The following DSCAM variants were observed in gnomAD, a reference collection of about 807,000 sequenced individuals.
DSCAM encodes the protein DS cell adhesion molecule.
A neutral mutation model predicts 217.7 loss-of-function variants in DSCAM; 47 were observed. The observed-to-expected ratio is 0.22, with a 90% CI of 0.17 to 0.28. DSCAM has a LOEUF of 0.28. Among genes scored for constraint, DSCAM ranks in the 10% least tolerant of loss-of-function variants. The pLI is 1.00. For missense variants in DSCAM, 2,080 were observed against 2,618.3 expected (o/e 0.79, Z 4.49); for synonymous variants, 1,056 against 1,015.3 (o/e 1.04, Z -0.76).
intron 3 of DSCAM, among the ~76,000 whole-genome samples, chr21:40,679,382 G>A (rs1015226876): frequency 1.3e-5 from 2 of 152,202 alleles, no homozygotes; most frequent in Non-Finnish European, 2.9e-5. Context: ...GAAAGTTTAA[G>A]AAAAGGCAAA....
chr21:40,797,472 T>C (rs992442450), intron 1 of DSCAM, among the ~76,000 whole-genome samples: 1 of 152,196 alleles, frequency 6.6e-6, no homozygotes, highest in African/African-American at 2.4e-5. Flanking sequence ...TGAGACACAT[T>C]CTCCCCAGTG....
chr21:40,179,748 C>T (rs912750523), intron 14 of DSCAM, among the ~76,000 whole-genome samples: 3 of 152,226 alleles, frequency 2.0e-5, no homozygotes, highest in African/African-American at 4.8e-5. Flanking sequence ...CTAATTATAA[C>T]AGCAGCACCT....
At chr21:40,653,882 G>A (rs1399171222) in intron 3 of DSCAM, among the ~76,000 whole-genome samples, 1 of 152,062 alleles carries the variant, frequency 6.6e-6, no homozygotes, top group African/African-American at 2.4e-5. Flanking sequence ...AGATCATGAG[G>A]TCAGGAGTTC....
At chr21:40,101,161 G>A (rs879239116) in intron 20 of DSCAM, among the ~76,000 whole-genome samples, 1 of 152,142 alleles carries the variant, frequency 6.6e-6, no homozygotes, top group Admixed American at 6.5e-5. Flanking sequence ...GGACATTTGT[G>A]GACTGGGGTT....
intron 1 of DSCAM, among the ~76,000 whole-genome samples, chr21:40,761,908 C>T (rs2091339081): frequency 6.6e-6 from 1 of 152,170 alleles, no homozygotes; most frequent in Non-Finnish European, 1.5e-5. Flanking sequence ...TTCTTTGAAA[C>T]CCATGAGAAC....
intron 3 of DSCAM, among the ~76,000 whole-genome samples, chr21:40,676,543 G>C (rs1185319360): frequency 6.6e-6 from 1 of 152,052 alleles, no homozygotes; most frequent in East Asian, 1.9e-4. Context: ...TCTTTTGTTT[G>C]CTTGTTTTTT....
At chr21:40,776,096 T>G (rs1395716762) in intron 1 of DSCAM, among the ~76,000 whole-genome samples, 1 of 152,182 alleles carries the variant, frequency 6.6e-6, no homozygotes, top group African/African-American at 2.4e-5. Context: ...GCAAAAATAT[T>G]TATGTTATTA....
chr21:40,840,141 A>G (rs964761002), intron 1 of DSCAM, among the ~76,000 whole-genome samples: 1 of 130,490 alleles, frequency 7.7e-6, no homozygotes, highest in Non-Finnish European at 1.6e-5. Flanking sequence ...ACAAAAATCA[A>G]CTTTAACAAT....
At chr21:40,609,156 T>C (rs950452719) in intron 3 of DSCAM, among the ~76,000 whole-genome samples, 3 of 152,124 alleles carry the variant, frequency 2.0e-5, no homozygotes, top group Non-Finnish European at 4.4e-5. Flanking sequence ...GATTTTGCCA[T>C]GTTGCCCAGG....
At chr21:40,481,344 G>T (rs888282964) in intron 3 of DSCAM, among the ~76,000 whole-genome samples, 1 of 151,874 alleles carries the variant, frequency 6.6e-6, no homozygotes, top group Admixed American at 6.6e-5. Context: ...AAAAAAATTA[G>T]CCAGGCATGG....
intron 3 of DSCAM, among the ~76,000 whole-genome samples, chr21:40,497,172 G>C (rs569160413): frequency 6.6e-6 from 1 of 152,094 alleles, no homozygotes; most frequent in African/African-American, 2.4e-5. Flanking sequence ...TTAAATCAGC[G>C]TATCGAAGAG....
intron 3 of DSCAM, among the ~76,000 whole-genome samples, chr21:40,575,232 GAAC>G (rs1408206146): frequency 3.5e-5 from 5 of 143,948 alleles, no homozygotes; most frequent in Admixed American, 1.4e-4. Flanking sequence ...GCCCTCCAGA[GAAC>G]AACCCCCCTT....
intron 1 of DSCAM, among the ~76,000 whole-genome samples, chr21:40,828,658 CTT>C (rs35167327): frequency 0.029 from 3,901 of 132,450 alleles, 194 homozygotes; most frequent in African/African-American, 0.1. Context: ...ACCCCACCCT[CTT>C]TTTTTTTTTT....
At chr21:40,591,250 A>C (rs1172453429) in intron 3 of DSCAM, among the ~76,000 whole-genome samples, 1 of 152,220 alleles carries the variant, frequency 6.6e-6, no homozygotes, top group Non-Finnish European at 1.5e-5. Flanking sequence ...GAGTCAATTA[A>C]GACTTTTTCC....
rs560965122 is a variant in DSCAM at position 40,025,929 on chromosome 21, G to A, written c.5687-12543C>T. 2.3e-3 allele frequency among the ~76,000 whole-genome samples: 350 copies of A among 149,394 alleles called. 15 individuals carry two copies. The highest frequency in any genetic ancestry group is 8.2e-3 in the African/African-American group (330 of 40,376). On this transcript the variant is annotated intron_variant, in intron 32 of 32. Coordinates refer to ENST00000400454, the MANE Select transcript of DSCAM (RefSeq NM_001389.5). Reference sequence around the variant, plus strand: ...CTTCTGCTAGCTTTTGAATGTGTTTGCTCTTGCTTTTCTAGTTCTTTTAAT... The same window carrying A: ...CTTCTGCTAGCTTTTGAATGTGTTTACTCTTGCTTTTCTAGTTCTTTTAAT...
chr21:40,426,680 A>G (rs1175222420), intron 3 of DSCAM, among the ~76,000 whole-genome samples: 1 of 152,222 alleles, frequency 6.6e-6, no homozygotes, highest in African/African-American at 2.4e-5. Flanking sequence ...TCCCAGAGGC[A>G]TAACTCAAAG....
At chr21:40,363,602 A>AT (rs780940184) in intron 4 of DSCAM, among the ~76,000 whole-genome samples, 42 of 152,144 alleles carry the variant, frequency 2.8e-4, no homozygotes, top group Non-Finnish European at 4.9e-4. Flanking sequence ...GATTTTATGC[A>AT]TTTTTTAAAA....
chr21:40,426,344 C>T (rs2075474897), intron 3 of DSCAM, among the ~76,000 whole-genome samples: 1 of 152,222 alleles, frequency 6.6e-6, no homozygotes, highest in Non-Finnish European at 1.5e-5. Context: ...TTCCTTTTCT[C>T]TCCATTTGTC....
At chr21:40,492,083 A>G (rs944944811) in intron 3 of DSCAM, among the ~76,000 whole-genome samples, 2 of 152,244 alleles carry the variant, frequency 1.3e-5, no homozygotes, top group African/African-American at 4.8e-5. Context: ...CCAGAGTATA[A>G]TAAGTAACCA....
Sources: gnomAD v4.1 joint callset for allele counts (sites outside exome capture counted in the v4.1 genomes callset) on GRCh38, gnomAD v4.1.1 for gene constraint, MANE v1.5 for transcripts, NCBI Gene and HGNC (gene_info 2026-07-23, HGNC 2026-07-21) for gene names.